The following GRM3 variants were observed in gnomAD, a reference collection of about 807,000 sequenced individuals.
The protein encoded by GRM3 is glutamate metabotropic receptor 3, also known as metabotropic glutamate receptor 3.
Under a neutral mutation model 70.5 loss-of-function variants are expected in GRM3, and 26 were observed. The ratio of observed to expected loss-of-function variants is 0.37; its 90% CI spans 0.27 to 0.51. GRM3 has a LOEUF of 0.51. Ranked by LOEUF, GRM3 falls within the 20% of genes least tolerant of loss-of-function variation. GRM3 has a pLI of 0.93. For synonymous variants in GRM3, 443 were observed against 434.9 expected (o/e 1.02, Z -0.23); for missense variants, 859 against 1,123.8 (o/e 0.76, Z 3.37).
At chr7:86,778,335 A>C (rs908771626) in intron 2 of GRM3, among the ~76,000 whole-genome samples, 3 of 152,204 alleles carry the variant, frequency 2.0e-5, no homozygotes, top group African/African-American at 7.2e-5. Context: ...CAAATTCAGA[A>C]GCCAATAACT....
At chr7:86,771,436 G>A (rs546678972) in intron 2 of GRM3, among the ~76,000 whole-genome samples, 3 of 152,064 alleles carry the variant, frequency 2.0e-5, no homozygotes, top group East Asian at 1.9e-4. Context: ...CATGAATTAA[G>A]CATCTTATTT....
intron 1 of GRM3, among the ~76,000 whole-genome samples, chr7:86,695,888 C>T (rs964601048): frequency 2.6e-5 from 4 of 152,004 alleles, no homozygotes; most frequent in Non-Finnish European, 5.9e-5. Flanking sequence ...TCCTAAGAGA[C>T]AATGATATCA....
At chr7:86,668,585 C>T (rs776120711) in intron 1 of GRM3, among the ~76,000 whole-genome samples, 17 of 152,014 alleles carry the variant, frequency 1.1e-4, no homozygotes, top group African/African-American at 3.6e-4. Context: ...CTAATGACCC[C>T]GTCTTTAGAG....
chr7:86,833,074 T>A lies in GRM3; in HGVS notation c.1325-5765T>A, dbSNP rs1798385785. The A allele has an allele frequency of 3.1e-6, 3 of 979,790 alleles. No individual in the cohort carries two copies. In the South Asian group the frequency reaches 1.4e-4, roughly 46 times the overall value. The allele number at this position is 979,790 out of a possible 1,614,324, so 60.7% of individuals were successfully genotyped here. A position where few individuals can be genotyped will look rare whatever the true frequency, so the allele number is the denominator to read the frequency against. On this transcript the variant is annotated intron_variant, in intron 3 of 5. Transcript: ENST00000361669. ...CCAGTGAAAGGTGAAGTGATGTATT[T>A]TTCCATTTCTGATGATGCTTACTCC... is the stretch of plus-strand genomic sequence containing the variant.
At chr7:86,748,563 C>T (rs971146360) in intron 1 of GRM3, among the ~76,000 whole-genome samples, 1 of 151,946 alleles carries the variant, frequency 6.6e-6, no homozygotes, top group African/African-American at 2.4e-5. Flanking sequence ...TCCGATATTT[C>T]GTAAGAAAAT....
chr7:86,827,627 C>T (rs1215216141), intron 3 of GRM3, among the ~76,000 whole-genome samples: 1 of 152,016 alleles, frequency 6.6e-6, no homozygotes, highest in South Asian at 2.1e-4. Flanking sequence ...GATTCTCCTG[C>T]CCCAGCCTCC....
chr7:86,735,394 A>G (rs896594674), intron 1 of GRM3, among the ~76,000 whole-genome samples: 1 of 152,236 alleles, frequency 6.6e-6, no homozygotes, highest in Non-Finnish European at 1.5e-5. Context: ...TATACTTTCT[A>G]AGAAGCTTTA....
At chr7:86,664,854 A>G (rs1477523648) in intron 1 of GRM3, among the ~76,000 whole-genome samples, 1 of 151,938 alleles carries the variant, frequency 6.6e-6, no homozygotes, top group African/African-American at 2.4e-5. Context: ...TCTTAATTAA[A>G]CCTCCCAGGC....
intron 1 of GRM3, among the ~76,000 whole-genome samples, chr7:86,682,657 C>T (rs1172406530): frequency 6.6e-6 from 1 of 152,138 alleles, no homozygotes; most frequent in Non-Finnish European, 1.5e-5. Context: ...TCAATTTTCA[C>T]ATTAAGAGAG....
intron 1 of GRM3, among the ~76,000 whole-genome samples, chr7:86,714,403 T>C (rs1795269820): frequency 6.6e-6 from 1 of 151,976 alleles, no homozygotes; most frequent in African/African-American, 2.4e-5. Context: ...TTTTACTGTA[T>C]GTGCATTTTC....
At chr7:86,724,923 C>G (rs1382739142) in intron 1 of GRM3, among the ~76,000 whole-genome samples, 1 of 152,032 alleles carries the variant, frequency 6.6e-6, no homozygotes, top group East Asian at 1.9e-4. Flanking sequence ...AATAGTATTA[C>G]TAAACTTCCC....
intron 1 of GRM3, among the ~76,000 whole-genome samples, chr7:86,723,571 A>G (rs556411223): frequency 3.3e-5 from 5 of 152,316 alleles, no homozygotes; most frequent in Admixed American, 2.6e-4. Context: ...AAACGAGTTA[A>G]AAAACAAGAA....
intron 3 of GRM3, among the ~76,000 whole-genome samples, chr7:86,791,012 T>C (rs1562865366): frequency 6.6e-6 from 1 of 152,188 alleles, no homozygotes; most frequent in Non-Finnish European, 1.5e-5. Flanking sequence ...CACTAGAATA[T>C]AAGCTCCACA....
At chr7:86,837,609 C>G (rs1282117957) in intron 3 of GRM3, among the ~76,000 whole-genome samples, 1 of 152,180 alleles carries the variant, frequency 6.6e-6, no homozygotes, top group African/African-American at 2.4e-5. Context: ...TTTATACTAT[C>G]TGCTTCTGCT....
intron 3 of GRM3, among the ~76,000 whole-genome samples, chr7:86,807,742 T>C (rs560275420): frequency 6.6e-6 from 1 of 152,296 alleles, no homozygotes; most frequent in South Asian, 2.1e-4. Context: ...TTTATTTCTT[T>C]CTCTCGCCTG....
At chr7:86,653,266 G>A (rs1471899430) in intron 1 of GRM3, among the ~76,000 whole-genome samples, 2 of 152,110 alleles carry the variant, frequency 1.3e-5, no homozygotes, top group East Asian at 3.9e-4. Flanking sequence ...TCTCCCAAAG[G>A]CCCTGTTAGT....
chr7:86,850,974 T>C (rs1488278035), intron 5 of GRM3, among the ~76,000 whole-genome samples: 1 of 152,106 alleles, frequency 6.6e-6, no homozygotes, highest in Non-Finnish European at 1.5e-5. Flanking sequence ...GTCACACAGA[T>C]GCCAAAGGAG....
intron 1 of GRM3, among the ~76,000 whole-genome samples, chr7:86,657,344 C>CAGGG (rs1360761005): frequency 6.6e-6 from 1 of 152,100 alleles, no homozygotes; most frequent in African/African-American, 2.4e-5. Flanking sequence ...GGCTGTGAGA[C>CAGGG]CCCTAAGTGG....
chr7:86,659,585 A>C (rs558449409), intron 1 of GRM3, among the ~76,000 whole-genome samples: 1 of 152,130 alleles, frequency 6.6e-6, no homozygotes, highest in African/African-American at 2.4e-5. Flanking sequence ...AACAGTTGGA[A>C]TAACTGTCTC....
Sources: allele counts gnomAD v4.1 joint callset (sites outside exome capture counted in the v4.1 genomes callset), GRCh38; gene constraint gnomAD v4.1.1; transcripts MANE v1.5; gene names NCBI Gene and HGNC (gene_info 2026-07-23, HGNC 2026-07-21).